Variants in NLGN1 observed in about 807,000 individuals in gnomAD.
NLGN1 encodes neuroligin-1.
A neutral mutation model predicts 65.5 loss-of-function variants in NLGN1; 12 were observed. That is an observed-to-expected ratio of 0.18 (90% CI 0.12 to 0.30). The LOEUF (loss-of-function observed/expected upper bound fraction) is 0.30. Among genes scored for constraint, NLGN1 ranks in the 10% least tolerant of loss-of-function variants. NLGN1 has a pLI of 1.00. For missense variants in NLGN1, 750 were observed against 1,007.1 expected, an observed-to-expected ratio of 0.74 and a Z score of 3.46; for synonymous variants, 350 against 359.5, an observed-to-expected ratio of 0.97 and a Z score of 0.30.
chr3:173,622,076 T>G (rs1465086683), intron 3 of NLGN1, among the ~76,000 whole-genome samples: 1 of 152,112 alleles, frequency 6.6e-6, no homozygotes, highest in Non-Finnish European at 1.5e-5. Flanking sequence ...TCTCTATTAC[T>G]GTCATTTCTG....
intron 4 of NLGN1, among the ~76,000 whole-genome samples, chr3:174,110,947 G>A (rs760195885): frequency 2.9e-4 from 44 of 151,870 alleles, no homozygotes; most frequent in Non-Finnish European, 4.6e-4. Flanking sequence ...CTTTTTAAAG[G>A]TCACAGTCAG....
chr3:173,397,275 A>AC (rs1716770156), upstream of NLGN1, among the ~76,000 whole-genome samples: 1 of 152,188 alleles, frequency 6.6e-6, no homozygotes, highest in Non-Finnish European at 1.5e-5. Context: ...GAGTTGAGCG[A>AC]GACGAAGCCG....
chr3:173,846,652 G>A (rs572801601), intron 4 of NLGN1, among the ~76,000 whole-genome samples: 7 of 152,250 alleles, frequency 4.6e-5, no homozygotes, highest in African/African-American at 1.4e-4. Context: ...ACTGCAGGTC[G>A]TCCTTTTAGG....
chr3:174,056,553 AGTG>A, intron 4 of NLGN1, among the ~76,000 whole-genome samples: 3 of 152,018 alleles, frequency 2.0e-5, no homozygotes, highest in African/African-American at 7.2e-5. Flanking sequence ...TTTTACTTTC[AGTG>A]CAAACGAGAA....
intron 1 of NLGN1, among the ~76,000 whole-genome samples, chr3:173,400,921 A>C (rs1000093889): frequency 2.6e-5 from 4 of 152,244 alleles, no homozygotes; most frequent in Admixed American, 1.3e-4. Flanking sequence ...TATTTATCTC[A>C]CATAATAAAA....
At position 173,708,449 on chromosome 3, in the gene NLGN1, C is replaced by T. The variant is rs373103950; in HGVS notation, c.494-99231C>T. On this transcript the variant is annotated intron_variant, in intron 3 of 6. Transcript: ENST00000457714. ...ATCACCACCTCTCAGCCCCAAAAGT[C>T]TGTGTCTGAGCCAACCTGCTGGTCT... Among the ~76,000 whole-genome samples, 101 of 152,298 alleles carry T rather than the reference C, an allele frequency of 6.6e-4. 1 individual carries two copies. The highest frequency in any genetic ancestry group is 2.3e-3 in the African/African-American group (96 of 41,564).
rs1443273778 is a variant in NLGN1, at chr3:173,811,489, C to T, written c.646+3657C>T. Among the ~76,000 whole-genome samples, 3 of 150,508 alleles carry T rather than the reference C, an allele frequency of 2.0e-5. No homozygotes were observed. In the East Asian group the frequency reaches 5.9e-4, roughly 30 times the overall value. On this transcript the variant is annotated intron_variant, in intron 4 of 6. Coordinates refer to ENST00000457714, the Ensembl canonical transcript of NLGN1. The stretch of plus-strand genomic sequence containing the variant: ...TGAGGCAGGAGAAGCATCACTTGAA[C>T]CTGGGAGGCAGAGGTTGCAGTGAGC...
In NLGN1 at chr3:173,755,016, G is replaced by A. The variant is rs545355703; in HGVS notation, c.494-52664G>A. Among the ~76,000 whole-genome samples, 24 of 152,208 alleles carry A rather than the reference G, an allele frequency of 1.6e-4. No homozygotes were observed. In the South Asian group the frequency reaches 4.8e-3, roughly 30 times the overall value. Reference sequence around the variant, plus strand: ...CTGAAAGATAAAACTATCAGATCAAGGTAGTGCTTAATTGTTTAAGAGAAG... The same window carrying A: ...CTGAAAGATAAAACTATCAGATCAAAGTAGTGCTTAATTGTTTAAGAGAAG... On this transcript the variant is annotated intron_variant, in intron 3 of 6. Coordinates refer to ENST00000457714, the Ensembl canonical transcript of NLGN1.
At chr3:173,854,175 A>G (rs1727511360) in intron 4 of NLGN1, among the ~76,000 whole-genome samples, 1 of 152,074 alleles carries the variant, frequency 6.6e-6, no homozygotes, top group African/African-American at 2.4e-5. Context: ...AACTTTATCC[A>G]TAATTCAAAT....
chr3:173,402,709 T>C (rs1253300038), intron 1 of NLGN1, among the ~76,000 whole-genome samples: 1 of 152,124 alleles, frequency 6.6e-6, no homozygotes, highest in African/African-American at 2.4e-5. Flanking sequence ...GAAAAAGCAG[T>C]CTTCTTCTCA....
At chr3:174,040,251 G>T (rs73880321) in intron 4 of NLGN1, among the ~76,000 whole-genome samples, 2,615 of 152,162 alleles carry the variant, frequency 0.017, 79 homozygotes, top group African/African-American at 0.059. Flanking sequence ...TTAACTCTGT[G>T]TGTTACGTAA....
At chr3:173,652,013 C>T (rs1191862652) in intron 3 of NLGN1, among the ~76,000 whole-genome samples, 1 of 152,152 alleles carries the variant, frequency 6.6e-6, no homozygotes, top group African/African-American at 2.4e-5. Context: ...AGGCCGGTTT[C>T]AAACTCCTGA....
chr3:173,800,374 A>G lies in NLGN1; in HGVS notation c.494-7306A>G, dbSNP rs78562612. The stretch of plus-strand genomic sequence containing the variant: ...GAAGGTATTTTTTTTCACCAAATCT[A>G]TTTGCATGACAAGGGCCTCAATCAC... On this transcript the variant is annotated intron_variant, in intron 3 of 6. Transcript: ENST00000457714. 1.6e-3 allele frequency: 1,707 copies of G among 1,067,420 alleles called. 23 individuals are homozygous for G. In the African/African-American group the frequency reaches 0.022, roughly 14 times the overall value. The allele number at this position is 1,067,420 out of a possible 1,614,324, so 66.1% of individuals were successfully genotyped here.
At position 173,614,666 on chromosome 3, in the gene NLGN1, C is replaced by T. The variant is rs78077778; in HGVS notation, c.493+9575C>T. 1.2e-3 allele frequency among the ~76,000 whole-genome samples: 179 copies of T among 152,174 alleles called. 4 individuals are homozygous for T. In the East Asian group the frequency reaches 0.033, roughly 28 times the overall value. ...CAAGCTAGGCAGCCAAGCAGCCTAT[C>T]AGTGCTTCTCTTGACCTATCCCCAA... On this transcript the variant is annotated intron_variant, in intron 3 of 6. Transcript: ENST00000457714.
intron 4 of NLGN1, among the ~76,000 whole-genome samples, chr3:173,930,263 A>G (rs538363693): frequency 6.6e-6 from 1 of 152,264 alleles, no homozygotes; most frequent in Non-Finnish European, 1.5e-5. Flanking sequence ...GATTATTCTA[A>G]TTATTGTTAT....
At chr3:173,863,713 A>G (rs1445712297) in intron 4 of NLGN1, among the ~76,000 whole-genome samples, 2 of 152,186 alleles carry the variant, frequency 1.3e-5, no homozygotes, top group Non-Finnish European at 2.9e-5. Flanking sequence ...AATATTCAAG[A>G]TGCTTAAGTT....
chr3:173,923,954 ATTTAC>A (rs912927541), intron 4 of NLGN1, among the ~76,000 whole-genome samples: 2 of 152,114 alleles, frequency 1.3e-5, no homozygotes, highest in African/African-American at 4.8e-5. Context: ...TTCCATTCTC[ATTTAC>A]TTTATGTGAA....
chr3:174,157,444 A>T (rs922582454), intron 4 of NLGN1, among the ~76,000 whole-genome samples: 2 of 151,804 alleles, frequency 1.3e-5, no homozygotes, highest in Non-Finnish European at 2.9e-5. Context: ...AAAGGTTTTT[A>T]AAAAAATTCA....
At chr3:173,462,833 A>G (rs186215268) in intron 2 of NLGN1, among the ~76,000 whole-genome samples, 94 of 152,266 alleles carry the variant, frequency 6.2e-4, no homozygotes, top group Non-Finnish European at 1.2e-3. Flanking sequence ...TGAGAACTTG[A>G]CAGTACCAAA....
Sources: allele counts gnomAD v4.1 joint callset (sites outside exome capture counted in the v4.1 genomes callset), GRCh38; gene constraint gnomAD v4.1.1; transcripts MANE v1.5; gene names NCBI Gene and HGNC (gene_info 2026-07-23, HGNC 2026-07-21).